GAREM2: variants seen among roughly 807,000 people sequenced by gnomAD.
GAREM2 encodes GRB2-associated and regulator of MAPK protein 2.
GAREM2 carries 30 observed loss-of-function variants against 55.6 expected under a neutral mutation model. The ratio of observed to expected loss-of-function variants is 0.54; its 90% confidence interval spans 0.40 to 0.73. The LOEUF (loss-of-function observed/expected upper bound fraction) is 0.73, where lower values mean the gene tolerates loss of function less well. Ranked by LOEUF, GAREM2 falls within the 30% of genes least tolerant of loss-of-function variation. The probability of loss-of-function intolerance (pLI) is 0.00; values close to 1 mark genes in which losing one functional copy is unlikely to be tolerated. For synonymous variants in GAREM2, 550 were observed against 569.1 expected (o/e 0.97, Z 0.48); for missense variants, 1,075 against 1,257.7 (o/e 0.85, Z 2.20).
At chr2:26,174,746 A>G (rs1320946218) in intron 1 of GAREM2, among the ~76,000 whole-genome samples, 1 of 152,190 alleles carries the variant, frequency 6.6e-6, no homozygotes, top group Non-Finnish European at 1.5e-5. Flanking sequence ...TATGGCTTGA[A>G]GGGTAGGTCC....
intron 4 of GAREM2, among the ~76,000 whole-genome samples, chr2:26,185,485 A>G (rs1669221334): frequency 6.6e-6 from 1 of 152,086 alleles, no homozygotes; most frequent in East Asian, 1.9e-4. Context: ...TGTGGGACAG[A>G]GATGCGTGTA....
rs1038830049 is a variant in GAREM2 at position 26,184,929 on chromosome 2, G to C, written c.1081G>C (p.Val361Leu). The C allele has an allele frequency of 6.0e-6, 8 of 1,327,188 alleles. No individual in the cohort carries two copies. Among genetic ancestry groups the C allele is most frequent in the Non-Finnish European group, 7.7e-6 (8 of 1,042,042 alleles). The allele number at this position is 1,327,188 out of a possible 1,614,324, so 82.2% of individuals were successfully genotyped here. The change falls in exon 4 of 6, where the codon GTG becomes CTG. Residue 361 changes from valine (V) to leucine (L), a missense_variant. This residue lies in a region of GAREM2 where 170 missense variants were observed against 220.7 expected (regional missense o/e 0.77). Coordinates refer to ENST00000401533, the MANE Select transcript of GAREM2 (RefSeq NM_001168241.2). ...RFDPDEYSTA[V>L]REAPAELAED... ...CGACCCCGACGAGTACTCCACGGCC[G>C]TGCGCGAGGCGCCAGCGGAGCTCGC...
chr2:26,185,216 G>T lies in GAREM2; in HGVS notation c.1368G>T (p.Ala456=). The part of the protein sequence containing the change: ...PGLDLISFGA[A]GPPRREPEAP... ...TCGATCTCATCTCCTTCGGGGCCGC[G>T]GGACCGCCGCGTCGGGAGCCGGAAG... The change falls in exon 4 of 6, where the codon GCG becomes GCT. Residue 456 remains alanine (A), a synonymous_variant. Transcript: ENST00000401533. The T allele has an allele frequency of 2.6e-6, 4 of 1,521,282 alleles. No homozygotes were observed. Among genetic ancestry groups the T allele is most frequent in the Non-Finnish European group, 3.5e-6 (4 of 1,141,332 alleles). 94.2% of individuals were successfully genotyped at this position (1,521,282 alleles called of 1,614,324 possible).
chr2:26,190,035 A>G (rs574629815), downstream of GAREM2, among the ~76,000 whole-genome samples: 1 of 152,320 alleles, frequency 6.6e-6, no homozygotes, highest in East Asian at 1.9e-4. Flanking sequence ...AAACCGGTTA[A>G]TGGCTTTGGT....
At chr2:26,191,398 G>A (rs755518457), downstream of GAREM2, 2 of 1,614,222 alleles carry the variant, frequency 1.2e-6, no homozygotes, top group East Asian at 2.2e-5. Flanking sequence ...GAAAGGCCCT[G>A]AATAGAGAAA....
Position 26,173,254 on chromosome 2 carries a change from C to T in GAREM2, c.34C>T (p.Arg12Cys). Residue 12 changes from arginine to cysteine, a missense_variant, in exon 1 of 6, where the codon CGC becomes TGC. Around this residue, in one of 6 missense-constraint regions of GAREM2, gnomAD observed 230 missense variants for 310.6 expected, o/e 0.74. Transcript: ENST00000401533. ...GCTGGCGGCCGGGCTGGCCGGCCTG[C>T]GCTGGAGCATGGGCGCCTTCCCGCT... Reference protein sequence around the residue: ...EKLAAGLAGLRWSMGAFPLDL... With the variant: ...EKLAAGLAGLCWSMGAFPLDL... 7.1e-7 allele frequency: 1 copy of T among 1,405,148 alleles called. No homozygotes were observed. The highest frequency in any genetic ancestry group is 9.3e-7 in the Non-Finnish European group (1 of 1,075,004). 87.0% of individuals were successfully genotyped at this position (1,405,148 alleles called of 1,614,324 possible). A position where few individuals can be genotyped will look rare whatever the true frequency, so the allele number is the denominator to read the frequency against.
At position 26,185,092 on chromosome 2, in the gene GAREM2, CA is replaced by C; in HGVS notation, c.1245del (p.Ala416ProfsTer62). 1 of 1,425,480 alleles carries C rather than the reference CA, an allele frequency of 7.0e-7. No homozygotes were observed. The highest frequency in any genetic ancestry group is 3.1e-5 in the East Asian group (1 of 32,636). The allele number at this position is 1,425,480 out of a possible 1,614,324, so 88.3% of individuals were successfully genotyped here. ...GDQEYVSPDW[A>X]AAPEPAAPPA... Reference sequence around the variant, plus strand: ...CAGGAGTACGTGAGCCCCGACTGGGCAGCCGCGCCCGAGCCCGCCGCGCCGC... The same window carrying C: ...CAGGAGTACGTGAGCCCCGACTGGGCGCCGCGCCCGAGCCCGCCGCGCCGC... On this transcript the variant is annotated frameshift_variant, in exon 4 of 6. Coordinates refer to ENST00000401533, the MANE Select transcript of GAREM2 (RefSeq NM_001168241.2). LOFTEE classifies it high-confidence loss of function.
chr2:26,176,238 C>A, intron 1 of GAREM2, 106 bp from the exon 2 acceptor site: 1 of 1,116,272 alleles, frequency 9.0e-7, no homozygotes. Flanking sequence ...GTGGAGCTGT[C>A]CCTCAGGGGG....
At chr2:26,201,257 G>C in the GAREM2 span, 3 of 1,611,950 alleles carry the variant, frequency 1.9e-6, no homozygotes, top group Non-Finnish European at 1.7e-6. Flanking sequence ...GCCCAGTCAA[G>C]TTGCTGAAGA....
At chr2:26,187,111 G>A (rs1669287656) in intron 5 of GAREM2, 120 bp from the exon 6 acceptor site, 3 of 1,284,936 alleles carry the variant, frequency 2.3e-6, no homozygotes, top group Non-Finnish European at 2.9e-6. Context: ...GGCTGGGGCT[G>A]GGGTGCAGGC....
At chr2:26,186,914 G>T (rs897465465) in intron 5 of GAREM2, among the ~76,000 whole-genome samples, 1 of 152,234 alleles carries the variant, frequency 6.6e-6, no homozygotes, top group Admixed American at 6.5e-5. Context: ...GGTGGAGGTT[G>T]CAGTGAGCCA....
chr2:26,193,616 G>C, downstream of GAREM2: 3 of 1,613,904 alleles, frequency 1.9e-6, no homozygotes, highest in Non-Finnish European at 2.5e-6. Flanking sequence ...AGCAGTTCTG[G>C]GTTTCCACCT....
At position 26,188,477 on chromosome 2, in the gene GAREM2, G is replaced by A. The variant is rs1025628304; in HGVS notation, c.*220G>A. On this transcript the variant is annotated 3_prime_UTR_variant, in exon 6 of 6. Transcript: ENST00000401533. ...CCTTTGAGTGTGCAGAGTACATGGG[G>A]AAGGGGCTGGGGGCACCACTGTGTA... The A allele has an allele frequency of 2.2e-5, 9 of 416,244 alleles. No individual in the cohort carries two copies. The Admixed American group carries it at 2.6e-4, about 12-fold the overall frequency. 25.8% of individuals were successfully genotyped at this position (416,244 alleles called of 1,614,324 possible).
chr2:26,184,792 T>C lies in GAREM2; in HGVS notation c.944T>C (p.Phe315Ser). 1 of 1,498,710 alleles carries C rather than the reference T, an allele frequency of 6.7e-7. No homozygotes were observed. Among genetic ancestry groups the C allele is most frequent in the Non-Finnish European group, 8.8e-7 (1 of 1,131,174 alleles). The allele number at this position is 1,498,710 out of a possible 1,614,324, so 92.8% of individuals were successfully genotyped here. A position where few individuals can be genotyped will look rare whatever the true frequency, so the allele number is the denominator to read the frequency against. Residue 315 changes from phenylalanine to serine, a missense_variant, in exon 4 of 6, where the codon TTC (phenylalanine) becomes TCC (serine). Physicochemically the swap from Phe to Ser is radical, Grantham distance 155. Around this residue, in one of 6 missense-constraint regions of GAREM2, gnomAD observed 170 missense variants for 220.7 expected, o/e 0.77. Transcript: ENST00000401533. ...CGCGAGGGCCCGGCGCCGCTGCACT[T>C]CCTGCTGCTCACGGACACGCCGCGC... The part of the protein sequence containing the change: ...LRREGPAPLH[F>S]LLLTDTPRFA...
the GAREM2 span, among the ~76,000 whole-genome samples, chr2:26,201,758 T>C: frequency 1.2e-4 from 18 of 152,202 alleles, no homozygotes; most frequent in Non-Finnish European, 2.6e-4. Flanking sequence ...ATCGCAAATA[T>C]ATAATTTTAT....
At chr2:26,195,204 A>C in the GAREM2 span, 9 of 1,613,150 alleles carry the variant, frequency 5.6e-6, no homozygotes, top group African/African-American at 1.1e-4. Flanking sequence ...CATCTTGTCC[A>C]CGGGAGAGAA....
At chr2:26,201,782 T>C in the GAREM2 span, among the ~76,000 whole-genome samples, 1 of 151,878 alleles carries the variant, frequency 6.6e-6, no homozygotes, top group African/African-American at 2.4e-5. Flanking sequence ...ATTCTGTAGT[T>C]GTAATCTTTT....
intron 2 of GAREM2, among the ~76,000 whole-genome samples, chr2:26,180,351 A>G (rs1669005540): frequency 6.6e-6 from 1 of 151,952 alleles, no homozygotes; most frequent in African/African-American, 2.4e-5. Context: ...CAGTGTGGGC[A>G]TTTTTCTGGG....
At chr2:26,187,148 T>C (rs1464849034) in intron 5 of GAREM2, 83 bp from the exon 6 acceptor site, 7 of 1,370,062 alleles carry the variant, frequency 5.1e-6, no homozygotes, top group Non-Finnish European at 6.6e-6. Context: ...ATAGTGGTGC[T>C]TGGTTGCAAT....
Sources: allele counts gnomAD v4.1 joint callset (sites outside exome capture counted in the v4.1 genomes callset), GRCh38; gene constraint gnomAD v4.1.1; regional missense constraint gnomAD v4.1.1; transcripts MANE v1.5; gene names NCBI Gene and HGNC (gene_info 2026-07-23, HGNC 2026-07-21).